Variants in UCKL1 observed in about 807,000 individuals in gnomAD.
UCKL1 encodes uridine-cytidine kinase-like 1.
Under a neutral mutation model 59.2 loss-of-function variants are expected in UCKL1, and 65 were observed. The observed-to-expected ratio is 1.10, with a 90% CI of 0.90 to 1.35. The LOEUF is 1.35. Among genes scored for constraint, UCKL1 ranks in the 40% most tolerant of loss-of-function variants. The pLI is 0.00. For synonymous variants in UCKL1, 410 were observed against 323.1 expected (o/e 1.27, Z -2.88); for missense variants, 703 against 784.3 (o/e 0.90, Z 1.24).
At chr20:63,942,864 G>A (rs578066086) in intron 8 of UCKL1, 16 of 388,724 alleles carry the variant, frequency 4.1e-5, no homozygotes, top group African/African-American at 3.3e-4. Flanking sequence ...TTCCTAGGCC[G>A]AGGAGAGGGC....
At position 63,941,027 on chromosome 20, in the gene UCKL1, G is replaced by C. The variant is rs773397582; in HGVS notation, c.1039C>G (p.Arg347Gly). The C allele has an allele frequency of 1.1e-5, 18 of 1,567,084 alleles. 1 individual carries two copies. The highest frequency in any genetic ancestry group is 1.5e-5 in the Non-Finnish European group (17 of 1,157,780). The change falls in exon 10 of 15, where the codon CGC becomes GGC. Residue 347 changes from arginine (R) to glycine (G), a missense_variant. This residue lies in a region of UCKL1 where 156 missense variants were observed against 185.6 expected (regional missense o/e 0.84). Coordinates refer to ENST00000354216, the MANE Select transcript of UCKL1 (RefSeq NM_017859.4). ...TTGGAGTAGAAGATGAACTCGTCGC[G>C]ACTGGTCTCCTTGTCCCTGTGGGGC... ...HTIIRDKETS[R>G]DEFIFYSKRL...
In UCKL1 at chr20:63,946,267, C is replaced by CCT. The variant is rs1569091112; in HGVS notation, c.305-2_305-1dup (p.Gly102GlufsTer17). 5 of 1,586,296 alleles carry CCT rather than the reference C, an allele frequency of 3.2e-6. No individual in the cohort carries two copies. The highest frequency in any genetic ancestry group is 3.6e-5 in the Admixed American group (2 of 55,594). On this transcript the variant is annotated frameshift_variant and splice_region_variant. Coordinates refer to ENST00000354216, the MANE Select transcript of UCKL1 (RefSeq NM_017859.4). LOFTEE classifies it high-confidence loss of function. ...CCCAGAGGCACTGCCGCCTCCCAAG[C>CCT]CTGCCGGCGGGAGTGGAGACCCTCT...
chr20:63,953,016 G>A (rs534401842), intron 1 of UCKL1, among the ~76,000 whole-genome samples: 2 of 152,218 alleles, frequency 1.3e-5, no homozygotes, highest in African/African-American at 4.8e-5. Flanking sequence ...GTGGGAGGCC[G>A]AGGCGGGCGG....
chr20:63,945,680 T>G lies in UCKL1; in HGVS notation c.625A>C (p.Met209Leu). 1.2e-6 allele frequency: 2 copies of G among 1,613,134 alleles called. No homozygotes were observed. Among genetic ancestry groups the G allele is most frequent in the South Asian group, 2.2e-5 (2 of 91,084 alleles). The change falls in exon 5 of 15, where the codon ATG becomes CTG. Residue 209 changes from methionine (M) to leucine (L), a missense_variant. Around this residue, in one of 4 missense-constraint regions of UCKL1, gnomAD observed 398 missense variants for 373.0 expected, o/e 1.07. Transcript: ENST00000354216. ...AACAGTGTCTTGTCAGCAAAGGCCA[T>G]GATGCCCTCAAAGATGATGACGTTT... ...GANVIIFEGI[M>L]AFADKTLLEL...
chr20:63,953,000 A>G (rs1007546275), intron 1 of UCKL1, among the ~76,000 whole-genome samples: 3 of 152,270 alleles, frequency 2.0e-5, no homozygotes, highest in Non-Finnish European at 2.9e-5. Context: ...CTGTCATCCC[A>G]GCACTGTGGG....
At chr20:63,950,942 C>T (rs541796161) in intron 1 of UCKL1, 2 of 1,331,284 alleles carry the variant, frequency 1.5e-6, no homozygotes, top group South Asian at 3.9e-5. Flanking sequence ...CACAGCAGTC[C>T]CCTAGGGCAG....
intron 1 of UCKL1, among the ~76,000 whole-genome samples, chr20:63,951,986 A>G (rs2057701176): frequency 6.6e-6 from 1 of 152,150 alleles, no homozygotes. Flanking sequence ...GGCTGCCAGA[A>G]GCTCAGGGAA....
chr20:63,946,354 GC>G, intron 2 of UCKL1, 87 bp from the exon 3 acceptor site: 1 of 1,529,582 alleles, frequency 6.5e-7, no homozygotes, highest in African/African-American at 1.4e-5. Flanking sequence ...CGCTGCCGCT[GC>G]CTGCGGTTGC....
At position 63,940,466 on chromosome 20, in the gene UCKL1, G is replaced by A. The variant is rs1375346812; in HGVS notation, c.1322C>T (p.Pro441Leu). The change falls in exon 13 of 15, where the codon CCC (proline) becomes CTC (leucine). Residue 441 changes from proline (P) to leucine (L), a missense_variant. By Grantham distance (98) the Pro-to-Leu change is moderately conservative. Transcript: ENST00000354216. Reference sequence around the variant, plus strand: ...CACGTGGTCATCGCTGATGTCCTTGGGCAGCCTCAGGTAGTGGAGCTGCGG... The same window carrying A: ...CACGTGGTCATCGCTGATGTCCTTGAGCAGCCTCAGGTAGTGGAGCTGCGG... ...GEPELHYLRL[P>L]KDISDDHVIL... The A allele has an allele frequency of 5.0e-6, 8 of 1,611,782 alleles. No homozygotes were observed. The African/African-American group carries it at 1.1e-4, about 22-fold the overall frequency.
chr20:63,949,090 G>A (rs1005795315), intron 1 of UCKL1, among the ~76,000 whole-genome samples: 2 of 152,170 alleles, frequency 1.3e-5, no homozygotes, highest in East Asian at 1.9e-4. Flanking sequence ...GGGAAAACGC[G>A]CTGTGCCTCT....
rs920174513 is a variant in UCKL1 at position 63,946,613 on chromosome 20, C to T, written c.144G>A (p.Leu48=). 3 of 1,609,992 alleles carry T rather than the reference C, an allele frequency of 1.9e-6. No individual in the cohort carries two copies. Among genetic ancestry groups the T allele is most frequent in the Non-Finnish European group, 2.5e-6 (3 of 1,179,852 alleles). ...RSNAESLDRL[L]PPVGTGRSPR... is the part of the protein sequence containing the mutation. ...GAGAGCGCCCAGTGCCCACAGGTGG[C>T]AGGAGCCTGTCCAGGGACTCTGCAT... Residue 48 remains leucine (L), a synonymous_variant, in exon 2 of 15, where the codon CTG becomes CTA. Coordinates refer to ENST00000354216, the MANE Select transcript of UCKL1 (RefSeq NM_017859.4).
rs2054013556 is a variant in UCKL1, at chr20:63,940,282, T to A, written c.1435A>T (p.Ile479Phe). 6.2e-7 allele frequency: 1 copy of A among 1,612,638 alleles called. No individual in the cohort carries two copies. Among genetic ancestry groups the A allele is most frequent in the Non-Finnish European group, 8.5e-7 (1 of 1,179,960 alleles). Residue 479 changes from isoleucine (I) to phenylalanine (F), a missense_variant, in exon 14 of 15, where the codon ATC becomes TTC. Ile to Phe is a conservative substitution (Grantham distance 21). Around this residue, in one of 4 missense-constraint regions of UCKL1, gnomAD observed 124 missense variants for 161.1 expected, o/e 0.77. Transcript: ENST00000354216. The stretch of plus-strand genomic sequence containing the variant: ...GCCATGAGCAGCGACAGCAAAAAGA[T>A]CTTGTCCTCAGGCACGTCGTGGTCC... ...LLDHDVPEDK[I>F]FLLSLLMAEM...
Position 63,939,937 on chromosome 20 carries a change from A to C in UCKL1, c.*39T>G, listed in dbSNP as rs201418724. ...ATTCAGCAGTCCTGGGTCAGGAGGC[A>C]GGAGGAGGGTGGTGGGGACGGGATG... is the stretch of plus-strand genomic sequence containing the variant. On this transcript the variant is annotated 3_prime_UTR_variant, in exon 15 of 15. Coordinates refer to ENST00000354216, the MANE Select transcript of UCKL1 (RefSeq NM_017859.4). The C allele has an allele frequency of 1.3e-6, 2 of 1,574,126 alleles. No individual in the cohort carries two copies. The highest frequency in any genetic ancestry group is 2.2e-5 in the East Asian group (1 of 44,634).
At position 63,940,816 on chromosome 20, in the gene UCKL1, C is replaced by T; in HGVS notation, c.1157G>A (p.Gly386Asp). 3.8e-6 allele frequency: 6 copies of T among 1,573,444 alleles called. No homozygotes were observed. Among genetic ancestry groups the T allele is most frequent in the South Asian group, 1.2e-5 (1 of 84,696 alleles). Residue 386 changes from glycine (G) to aspartate (D), a missense_variant, in exon 11 of 15, where the codon GGC becomes GAC. Transcript: ENST00000354216. Reference protein sequence around the residue: ...VQTPQGQDYAGKCYAGKQITG... With the variant: ...VQTPQGQDYADKCYAGKQITG... ...TACCTGCTTCCCCGCATAGCACTTG[C>T]CCGCATAGTCCTGCCCCTGCGGGGT...
chr20:63,948,595 G>GGGGGCGTGTGAGAGGGA (rs1569121889), intron 1 of UCKL1: 16 of 10,998 alleles, frequency 1.5e-3, no homozygotes, highest in African/African-American at 5.1e-3. Context: ...GTGAGAGGGA[G>GGGGGCGTGTGAGAGGGA]GGGGCGTGTG....
chr20:63,950,678 G>T, intron 1 of UCKL1: 3 of 1,371,530 alleles, frequency 2.2e-6, no homozygotes, highest in South Asian at 1.6e-5. Context: ...CCACAGACAT[G>T]CACCAAACAC....
intron 1 of UCKL1, among the ~76,000 whole-genome samples, chr20:63,951,587 C>T (rs1230695135): frequency 6.6e-6 from 1 of 152,226 alleles, no homozygotes; most frequent in Non-Finnish European, 1.5e-5. Context: ...CTGCCTTGCC[C>T]TACCCCCACT....
In UCKL1 at chr20:63,946,644, C is replaced by T. The variant is rs766471298; in HGVS notation, c.114-1G>A. ...CCTGTCCAGGGACTCTGCATTGCTG[C>T]TGCAGAGAGGGATGTACTCGGATGT... On this transcript the variant is annotated splice_acceptor_variant, in intron 1 of 14. Coordinates refer to ENST00000354216, the MANE Select transcript of UCKL1 (RefSeq NM_017859.4). LOFTEE classifies it high-confidence loss of function. 1 of 1,606,730 alleles carries T rather than the reference C, an allele frequency of 6.2e-7. No homozygotes were observed. Among genetic ancestry groups the T allele is most frequent in the Non-Finnish European group, 8.5e-7 (1 of 1,179,574 alleles).
Position 63,941,155 on chromosome 20 carries a change from A to G in UCKL1, c.977T>C (p.Val326Ala). ...CCGTACCTGCGGCGTGCTCTTCAGG[A>G]CGCTCAGCGTCCGGGGCAGCGGGTG... is the stretch of plus-strand genomic sequence containing the variant. Reference protein sequence around the residue: ...QCHPLPRTLSVLKSTPQVRGM... With the variant: ...QCHPLPRTLSALKSTPQVRGM... Residue 326 changes from valine to alanine, a missense_variant, in exon 9 of 15, where the codon GTC (valine) becomes GCC (alanine). By Grantham distance (64) the Val-to-Ala change is moderately conservative. Transcript: ENST00000354216. The G allele has an allele frequency of 6.3e-7, 1 of 1,588,526 alleles. No homozygotes were observed. The highest frequency in any genetic ancestry group is 1.1e-5 in the South Asian group (1 of 89,200).
Sources: allele counts gnomAD v4.1 joint callset (sites outside exome capture counted in the v4.1 genomes callset), GRCh38; gene constraint gnomAD v4.1.1; regional missense constraint gnomAD v4.1.1; transcripts MANE v1.5; gene names NCBI Gene and HGNC (gene_info 2026-07-23, HGNC 2026-07-21).